The following FRY variants were observed in gnomAD, a reference collection of about 807,000 sequenced individuals.
FRY encodes the protein FRY microtubule binding protein.
FRY carries 128 observed loss-of-function variants against 348.4 expected under a neutral mutation model. That is an observed-to-expected ratio of 0.37 (90% CI 0.32 to 0.43). The LOEUF is 0.43. FRY is among the 20% of genes least tolerant of loss of function. FRY has a pLI of 1.00. For synonymous variants in FRY, 1,370 were observed against 1,374.7 expected (o/e 1.00, Z 0.08); for missense variants, 2,736 against 3,695.2 (o/e 0.74, Z 6.73).
chr13:32,138,142 T>G (rs936429967), intron 11 of FRY, among the ~76,000 whole-genome samples: 2 of 151,282 alleles, frequency 1.3e-5, no homozygotes, highest in Non-Finnish European at 2.9e-5. Flanking sequence ...GTTTTGTTTT[T>G]TTGTTTTTTT....
chr13:32,286,710 G>A (rs1324052688), intron 58 of FRY, among the ~76,000 whole-genome samples: 1 of 121,424 alleles, frequency 8.2e-6, no homozygotes, highest in Non-Finnish European at 1.6e-5. Context: ...TCGCGCCACT[G>A]CACTCCAGCC....
chr13:32,116,577 C>G (rs1878316469), intron 3 of FRY, among the ~76,000 whole-genome samples: 1 of 152,014 alleles, frequency 6.6e-6, no homozygotes, highest in Admixed American at 6.6e-5. Context: ...CCTATGTTTT[C>G]TTGGAGTTTT....
At chr13:32,259,221 A>G (rs1267827153) in intron 51 of FRY, among the ~76,000 whole-genome samples, 3 of 152,252 alleles carry the variant, frequency 2.0e-5, no homozygotes, top group African/African-American at 7.2e-5. Flanking sequence ...CACTAGGGCC[A>G]TGCTGAGAAA....
Position 32,265,543 on chromosome 13 carries a change from G to A in FRY, c.7873G>A (p.Asp2625Asn), listed in dbSNP as rs201429824. The A allele has an allele frequency of 5.9e-5, 96 of 1,614,058 alleles. No individual in the cohort carries two copies. The highest frequency in any genetic ancestry group is 7.3e-5 in the Non-Finnish European group (86 of 1,180,030). The change falls in exon 54 of 61, where the codon GAC (aspartate) becomes AAC (asparagine). Residue 2625 changes from aspartate (D) to asparagine (N), a missense_variant. By Grantham distance (23) the Asp-to-Asn change is conservative. Around this residue, in one of 9 missense-constraint regions of FRY, gnomAD observed 789 missense variants for 996.2 expected, o/e 0.79. Transcript: ENST00000542859. The stretch of plus-strand genomic sequence containing the variant: ...ACTCCCAGCAGCTTTTGAATGCAGC[G>A]ACAGCTTTAGCCTGGACATGACTGA... Reference protein sequence around the residue: ...NELPAAFECSDSFSLDMTEGE... With the variant: ...NELPAAFECSNSFSLDMTEGE...
chr13:32,182,295 A>G (rs1448960273), intron 23 of FRY, among the ~76,000 whole-genome samples: 1 of 152,262 alleles, frequency 6.6e-6, no homozygotes, highest in Non-Finnish European at 1.5e-5. Flanking sequence ...TAATCAGAAC[A>G]AAGATATATA....
At chr13:32,138,928 T>C (rs924910007) in intron 11 of FRY, among the ~76,000 whole-genome samples, 3 of 152,176 alleles carry the variant, frequency 2.0e-5, no homozygotes, top group African/African-American at 7.2e-5. Flanking sequence ...CTGAGAGTTA[T>C]AAAGGTCACA....
chr13:32,058,510 G>A (rs1481270258), intron 1 of FRY, among the ~76,000 whole-genome samples: 1 of 152,070 alleles, frequency 6.6e-6, no homozygotes, highest in Admixed American at 6.6e-5. Context: ...TTTTATGTCT[G>A]CTTTGTGTTT....
intron 7 of FRY, among the ~76,000 whole-genome samples, chr13:32,130,150 T>C (rs2138749301): frequency 6.9e-6 from 1 of 145,434 alleles, no homozygotes; most frequent in East Asian, 2.2e-4. Flanking sequence ...AAGCTCTGCC[T>C]CCCAGGTTCA....
chr13:32,088,074 T>G (rs1876003693), intron 2 of FRY, among the ~76,000 whole-genome samples: 2 of 152,220 alleles, frequency 1.3e-5, no homozygotes, highest in South Asian at 4.1e-4. Context: ...TGACTAAGGA[T>G]GTGTAAATAG....
intron 51 of FRY, chr13:32,257,984 C>T (rs1347747964): frequency 6.2e-7 from 1 of 1,603,714 alleles, no homozygotes; most frequent in Non-Finnish European, 8.5e-7. Flanking sequence ...TAAGATGATG[C>T]TGTTTTTAAT....
chr13:32,156,324 T>C (rs1881103302), intron 15 of FRY, among the ~76,000 whole-genome samples: 1 of 152,184 alleles, frequency 6.6e-6, no homozygotes, highest in Non-Finnish European at 1.5e-5. Flanking sequence ...AAAGATGTAA[T>C]AGGTTGGGCG....
intron 20 of FRY, among the ~76,000 whole-genome samples, chr13:32,176,873 G>A (rs973311940): frequency 2.6e-5 from 4 of 152,202 alleles, no homozygotes; most frequent in Admixed American, 2.0e-4. Flanking sequence ...GATTTGGTGA[G>A]ATCAGCATTA....
At chr13:32,216,698 T>C (rs535299019) in intron 35 of FRY, among the ~76,000 whole-genome samples, 1 of 152,224 alleles carries the variant, frequency 6.6e-6, no homozygotes, top group Non-Finnish European at 1.5e-5. Context: ...ATAAATATGA[T>C]TAAAGAACTT....
chr13:32,276,666 T>C lies in FRY; in HGVS notation c.8385+104T>C. The C allele has an allele frequency of 6.6e-6, 5 of 753,462 alleles. No homozygotes were observed. In the South Asian group the frequency reaches 7.0e-5, roughly 11 times the overall value. 46.7% of individuals were successfully genotyped at this position (753,462 alleles called of 1,614,324 possible). ...TGTGATTAACTTAAGACTTTCAGACTTCATCTTTTCCTTTGTTAAGGATTA... is the reference window on the plus strand; with the variant it reads ...TGTGATTAACTTAAGACTTTCAGACCTCATCTTTTCCTTTGTTAAGGATTA... On this transcript the variant is annotated intron_variant, in intron 57 of 60. Coordinates refer to ENST00000542859, the MANE Select transcript of FRY (RefSeq NM_023037.3).
intron 35 of FRY, among the ~76,000 whole-genome samples, chr13:32,213,864 A>G (rs2138370702): frequency 6.6e-6 from 1 of 152,324 alleles, no homozygotes; most frequent in East Asian, 1.9e-4. Context: ...TAATCTCTCT[A>G]ATATCAAGAT....
intron 7 of FRY, among the ~76,000 whole-genome samples, chr13:32,129,895 C>T (rs919304115): frequency 2.0e-5 from 3 of 152,150 alleles, no homozygotes; most frequent in Admixed American, 6.6e-5. Flanking sequence ...TTGCCAACCA[C>T]CAGCCCCTGT....
chr13:32,183,776 CAAAAAAAAAAAAAAA>C (rs10706504), intron 24 of FRY, among the ~76,000 whole-genome samples: 1 of 78,118 alleles, frequency 1.3e-5, no homozygotes, highest in South Asian at 4.9e-4. Flanking sequence ...ACTCTGTCTC[CAAAAAAAAAAAAAAA>C]AAAAAAACCT....
At chr13:32,187,704 G>C (rs1251244955) in intron 28 of FRY, 48 bp downstream of exon 28, 2 of 1,030,808 alleles carry the variant, frequency 1.9e-6, no homozygotes, top group Non-Finnish European at 3.1e-6. Flanking sequence ...TCTGTGTTCT[G>C]CCTCAGTTGA....
chr13:32,147,122 G>A (rs1034805937), intron 11 of FRY, among the ~76,000 whole-genome samples, 160 bp from the exon 12 acceptor site: 3 of 152,136 alleles, frequency 2.0e-5, no homozygotes, highest in African/African-American at 7.2e-5. Context: ...AGCATTGAGA[G>A]GCCAATACTC....
Sources: allele counts gnomAD v4.1 joint callset (sites outside exome capture counted in the v4.1 genomes callset), GRCh38; gene constraint gnomAD v4.1.1; regional missense constraint gnomAD v4.1.1; transcripts MANE v1.5; gene names NCBI Gene and HGNC (gene_info 2026-07-23, HGNC 2026-07-21).